Variants in PSD3 observed in about 807,000 individuals in gnomAD.
The protein encoded by PSD3 is PH and SEC7 domain-containing protein 3.
Under a neutral mutation model 105.5 loss-of-function variants are expected in PSD3, and 49 were observed. The ratio of observed to expected loss-of-function variants is 0.46; its 90% CI spans 0.37 to 0.59. The LOEUF is 0.59. Ranked by LOEUF, PSD3 falls within the 20% of genes least tolerant of loss-of-function variation. The probability of loss-of-function intolerance (pLI) is 0.00; values close to 1 mark genes in which losing one functional copy is unlikely to be tolerated. For missense variants in PSD3, 1,561 were observed against 1,263.8 expected (o/e 1.24, Z -3.57); for synonymous variants, 557 against 457.8 (o/e 1.22, Z -2.77).
intron 1 of PSD3, among the ~76,000 whole-genome samples, chr8:19,030,468 T>G (rs1006005659): frequency 6.6e-6 from 1 of 152,146 alleles, no homozygotes; most frequent in Non-Finnish European, 1.5e-5. Flanking sequence ...ATCCATGGCT[T>G]GGTGTTGTCT....
intron 13 of PSD3, among the ~76,000 whole-genome samples, chr8:18,573,729 T>C (rs1298250293): frequency 6.6e-6 from 1 of 152,118 alleles, no homozygotes; most frequent in Non-Finnish European, 1.5e-5. Context: ...ATATGAAGTG[T>C]CCAGAAAGGG....
intron 9 of PSD3, among the ~76,000 whole-genome samples, chr8:18,698,554 A>G (rs1311459641): frequency 6.6e-6 from 1 of 152,322 alleles, no homozygotes. Flanking sequence ...TAGAAGCTGG[A>G]AAAGACAAGC....
chr8:18,794,794 T>C lies in PSD3; in HGVS notation c.2082+4501A>G, dbSNP rs376975750. 3.7e-4 allele frequency among the ~76,000 whole-genome samples: 10 copies of C among 26,974 alleles called. 3 individuals carry two copies. Among genetic ancestry groups the C allele is most frequent in the East Asian group, 2.5e-3 (6 of 2,378 alleles). 17.7% of individuals were successfully genotyped at this position (26,974 alleles called of 152,430 possible). A position where few individuals can be genotyped will look rare whatever the true frequency, so the allele number is the denominator to read the frequency against. On this transcript the variant is annotated intron_variant, in intron 8 of 15. Transcript: ENST00000327040. Reference sequence around the variant, plus strand: ...GCGGGATCCTCCATATGCTGAACGCTGGTTCCCCGGGTCCCCTTATTTCTT... The same window carrying C: ...GCGGGATCCTCCATATGCTGAACGCCGGTTCCCCGGGTCCCCTTATTTCTT...
At chr8:18,843,906 A>T (rs1814855525) in intron 4 of PSD3, among the ~76,000 whole-genome samples, 1 of 140,504 alleles carries the variant, frequency 7.1e-6, no homozygotes. Context: ...CCACTTTATA[A>T]GATAGACTAT....
intron 9 of PSD3, among the ~76,000 whole-genome samples, chr8:18,713,705 C>T (rs1475387702): frequency 6.6e-6 from 1 of 152,134 alleles, no homozygotes; most frequent in East Asian, 1.9e-4. Context: ...GCCATACTGC[C>T]CAAAATAATT....
At chr8:18,813,584 T>C (rs866772612) in intron 4 of PSD3, among the ~76,000 whole-genome samples, 1 of 152,208 alleles carries the variant, frequency 6.6e-6, no homozygotes, top group Non-Finnish European at 1.5e-5. Flanking sequence ...CTTCATTTGT[T>C]CAGGAAATTC....
At chr8:18,776,258 C>A (rs117049432) in intron 8 of PSD3, among the ~76,000 whole-genome samples, 4,585 of 141,098 alleles carry the variant, frequency 0.032, 84 homozygotes, top group Middle Eastern at 0.07. Flanking sequence ...CTCTCTCTCT[C>A]TCTATATATA....
chr8:18,693,718 G>A (rs1801104803), intron 9 of PSD3, among the ~76,000 whole-genome samples: 1 of 152,304 alleles, frequency 6.6e-6, no homozygotes. Flanking sequence ...AAGCAACGTG[G>A]CACTTTCCTC....
intron 4 of PSD3, among the ~76,000 whole-genome samples, chr8:18,810,586 G>C (rs1021469761): frequency 6.6e-6 from 1 of 151,882 alleles, no homozygotes; most frequent in Non-Finnish European, 1.5e-5. Flanking sequence ...ATAAAACTAG[G>C]ACCAAAAAGA....
chr8:18,623,537 G>A (rs989894846), intron 11 of PSD3, among the ~76,000 whole-genome samples: 1 of 151,086 alleles, frequency 6.6e-6, no homozygotes, highest in Non-Finnish European at 1.5e-5. Flanking sequence ...CTATCTGGGT[G>A]GCTGAGGTGG....
chr8:18,740,671 T>C (rs969396522), intron 9 of PSD3, among the ~76,000 whole-genome samples: 4 of 152,208 alleles, frequency 2.6e-5, no homozygotes, highest in Admixed American at 6.5e-5. Context: ...CCTGCTCATA[T>C]TCCTTATCTC....
chr8:18,556,925 T>C (rs1358978402), intron 14 of PSD3, among the ~76,000 whole-genome samples: 1 of 152,220 alleles, frequency 6.6e-6, no homozygotes, highest in East Asian at 1.9e-4. Context: ...AGTTCTTAGT[T>C]CCTTCAACTT....
At chr8:18,749,231 C>T (rs148973788) in intron 9 of PSD3, among the ~76,000 whole-genome samples, 3 of 152,240 alleles carry the variant, frequency 2.0e-5, no homozygotes, top group African/African-American at 4.8e-5. Context: ...GTGGACCACA[C>T]GTTATCATCC....
intron 4 of PSD3, among the ~76,000 whole-genome samples, chr8:18,851,684 T>A (rs887091863): frequency 6.6e-6 from 1 of 152,168 alleles, no homozygotes; most frequent in Admixed American, 6.5e-5. Flanking sequence ...TGCCACGGAA[T>A]TGCAGGGAGG....
intron 9 of PSD3, among the ~76,000 whole-genome samples, chr8:18,720,228 A>G (rs760739760): frequency 6.6e-5 from 10 of 152,176 alleles, no homozygotes; most frequent in Non-Finnish European, 1.2e-4. Context: ...ATCCAAAAAC[A>G]TAACCATATT....
intron 4 of PSD3, among the ~76,000 whole-genome samples, chr8:18,837,874 C>A (rs1286769534): frequency 1.3e-5 from 2 of 152,134 alleles, no homozygotes; most frequent in East Asian, 3.8e-4. Context: ...ACAAGGATGG[C>A]TGTTCACTAA....
chr8:18,621,021 A>T (rs1806075603), intron 11 of PSD3, among the ~76,000 whole-genome samples: 1 of 152,246 alleles, frequency 6.6e-6, no homozygotes, highest in African/African-American at 2.4e-5. Context: ...AAAACTGAAC[A>T]TTCCTCTTTC....
At chr8:18,595,702 C>A (rs1475695476) in intron 12 of PSD3, among the ~76,000 whole-genome samples, 1 of 151,934 alleles carries the variant, frequency 6.6e-6, no homozygotes, top group East Asian at 1.9e-4. Context: ...TGAGTCAATT[C>A]ACCACACAGT....
intron 12 of PSD3, among the ~76,000 whole-genome samples, chr8:18,599,403 A>C (rs761830779): frequency 1.3e-5 from 2 of 152,192 alleles, no homozygotes; most frequent in Non-Finnish European, 2.9e-5. Context: ...GTATTTATCC[A>C]CAAGAAATGA....
Sources: allele counts gnomAD v4.1 joint callset (sites outside exome capture counted in the v4.1 genomes callset), GRCh38; gene constraint gnomAD v4.1.1; transcripts MANE v1.5; gene names NCBI Gene and HGNC (gene_info 2026-07-23, HGNC 2026-07-21).